The following LINS1 variants were observed in gnomAD, a reference collection of about 807,000 sequenced individuals.
LINS1 encodes the protein protein Lines homolog 1.
Under a neutral mutation model 41.6 loss-of-function variants are expected in LINS1, and 27 were observed. The ratio of observed to expected loss-of-function variants is 0.65; its 90% CI spans 0.48 to 0.89. LINS1 has a LOEUF of 0.89. Among genes scored for constraint, LINS1 ranks in the 40% least tolerant of loss-of-function variants. The pLI, the probability that LINS1 is intolerant of heterozygous loss-of-function variation, is 0.00. For synonymous variants in LINS1, 336 were observed against 312.9 expected (o/e 1.07, Z -0.78); for missense variants, 955 against 884.1 (o/e 1.08, Z -1.02).
chr15:100,573,768 G>A lies in LINS1; in HGVS notation c.1105C>T (p.Pro369Ser). 2 of 1,613,696 alleles carry A rather than the reference G, an allele frequency of 1.2e-6. No homozygotes were observed. Among genetic ancestry groups the A allele is most frequent in the Non-Finnish European group, 1.7e-6 (2 of 1,179,604 alleles). The change falls in exon 5 of 7, where the codon CCT (proline) becomes TCT (serine). Residue 369 changes from proline (P) to serine (S), a missense_variant. Pro to Ser is a moderately conservative substitution (Grantham distance 74). Transcript: ENST00000314742. ...GGACTAGTGATAAGTTCACATTCAG[G>A]TTGAACTTCATCACCTCCAAAAAAG... ...HSFFGGDEVQ[P>S]ECELITSPDH...
chr15:100,587,592 T>C (rs942346979), intron 1 of LINS1, among the ~76,000 whole-genome samples: 1 of 152,184 alleles, frequency 6.6e-6, no homozygotes, highest in African/African-American at 2.4e-5. Flanking sequence ...ACCATGATTT[T>C]TTTAAGTTCC....
Position 100,568,543 on chromosome 15 carries a change from C to G in LINS1, c.*695G>C, listed in dbSNP as rs1489556197. On this transcript the variant is annotated 3_prime_UTR_variant, in exon 7 of 7. Coordinates refer to ENST00000314742, the MANE Select transcript of LINS1 (RefSeq NM_001040616.3). ...GCTGCCACCAGAAGCCAGAAAGGGG[C>G]AGGGTGGGATTCTTCTCCAGACCCT... 1 of 152,342 alleles carries G rather than the reference C, an allele frequency of 6.6e-6. No homozygotes were observed. The highest frequency in any genetic ancestry group is 2.4e-5 in the African/African-American group (1 of 41,456). 9.4% of individuals were successfully genotyped at this position (152,342 alleles called of 1,614,324 possible).
At chr15:100,591,426 C>G (rs2039032247) in intron 1 of LINS1, among the ~76,000 whole-genome samples, 1 of 152,106 alleles carries the variant, frequency 6.6e-6, no homozygotes, top group African/African-American at 2.4e-5. Context: ...GTCACACTCT[C>G]ACCTAAGTGA....
In LINS1 at chr15:100,570,151, T is replaced by C. The variant is rs2411838; in HGVS notation, c.1395-34A>G. 0.43 allele frequency: 652,542 copies of C among 1,512,654 alleles called. 146,430 individuals carry two copies. The highest frequency in any genetic ancestry group is 0.47 in the Non-Finnish European group (521,018 of 1,115,636). 93.7% of individuals were successfully genotyped at this position (1,512,654 alleles called of 1,614,324 possible). A position where few individuals can be genotyped will look rare whatever the true frequency, so the allele number is the denominator to read the frequency against. ...GAAGATAATGGAGAATGCAGATTAA[T>C]GACCTTACAAAAATAAACAGTTTTA... On this transcript the variant is annotated intron_variant, in intron 6 of 6. Coordinates refer to ENST00000314742, the MANE Select transcript of LINS1 (RefSeq NM_001040616.3).
rs1361546913 is a variant in LINS1, at chr15:100,573,789, A to C, written c.1084T>G (p.Phe362Val). Reference sequence around the variant, plus strand: ...TCAGGTTGAACTTCATCACCTCCAAAAAAGGAATGTTTTTCATAAACAGAC... The same window carrying C: ...TCAGGTTGAACTTCATCACCTCCAACAAAGGAATGTTTTTCATAAACAGAC... The part of the protein sequence containing the change: ...TLSVYEKHSF[F>V]GGDEVQPECE... Residue 362 changes from phenylalanine to valine, a missense_variant, in exon 5 of 7, where the codon TTT becomes GTT. Coordinates refer to ENST00000314742, the MANE Select transcript of LINS1 (RefSeq NM_001040616.3). 1 of 1,614,196 alleles carries C rather than the reference A, an allele frequency of 6.2e-7. No individual in the cohort carries two copies. The highest frequency in any genetic ancestry group is 1.1e-5 in the South Asian group (1 of 91,082).
rs543635864 is a variant in LINS1, at chr15:100,576,094, C to T, written c.490-966G>A. Among the ~76,000 whole-genome samples the T allele has an allele frequency of 2.0e-3, 310 of 152,160 alleles. 1 individual carries two copies. Among genetic ancestry groups the T allele is most frequent in the African/African-American group, 7.0e-3 (292 of 41,524 alleles). On this transcript the variant is annotated intron_variant, in intron 3 of 6. Transcript: ENST00000314742. ...GCAGGAAAGATCTAAAATTGACACCCTAACATCACAATTAAAAGAACTAGA... is the reference window on the plus strand; with the variant it reads ...GCAGGAAAGATCTAAAATTGACACCTTAACATCACAATTAAAAGAACTAGA...
intron 1 of LINS1, among the ~76,000 whole-genome samples, chr15:100,585,346 A>G (rs1389315105): frequency 6.6e-6 from 1 of 152,124 alleles, no homozygotes; most frequent in Non-Finnish European, 1.5e-5. Flanking sequence ...TTTGGCCCCA[A>G]TATTGTTTGG....
rs150280970 is a variant in LINS1, at chr15:100,580,576, C to T, written c.267G>A (p.Met89Ile). 3.1e-4 allele frequency: 508 copies of T among 1,613,988 alleles called. 1 individual carries two copies. Among genetic ancestry groups the T allele is most frequent in the Middle Eastern group, 2.1e-3 (13 of 6,058 alleles). The change falls in exon 2 of 7, where the codon ATG (methionine) becomes ATA (isoleucine). Residue 89 changes from methionine to isoleucine, a missense_variant. Met to Ile is a conservative substitution (Grantham distance 10, BLOSUM62 1). Transcript: ENST00000314742. ...CTTTGATCACTGTTAACTGAAGGAG[C>T]ATTACTTCTCTGGAACCGCTCATCT... ...NSQMSGSREV[M>I]LLQLTVIKVM...
chr15:100,583,937 A>AT (rs2038684047), intron 1 of LINS1, among the ~76,000 whole-genome samples: 1 of 151,698 alleles, frequency 6.6e-6, no homozygotes, highest in Non-Finnish European at 1.5e-5. Flanking sequence ...AAGACAGAAT[A>AT]TTTTGTTTTA....
chr15:100,599,782 G>T (rs1391270704), intron 1 of LINS1, among the ~76,000 whole-genome samples: 2 of 152,080 alleles, frequency 1.3e-5, no homozygotes. Context: ...AGCAAAATTT[G>T]AGGCTGGGTG....
At chr15:100,596,206 TC>T (rs1200517917) in intron 1 of LINS1, among the ~76,000 whole-genome samples, 1 of 152,136 alleles carries the variant, frequency 6.6e-6, no homozygotes, top group Admixed American at 6.5e-5. Context: ...ACACCATCCT[TC>T]CTTTTCCTCA....
In LINS1 at chr15:100,569,973, CAA is replaced by C; in HGVS notation, c.1537_1538del (p.Leu513AspfsTer9). The stretch of plus-strand genomic sequence containing the variant: ...CAAGAAAACAGGTTTCTGATGAAAT[CAA>C]AAAGTCAAGAAGAACTGTGGAATCA... ...GFDSTVLLDF[L>X]ISSETCFLEY... On this transcript the variant is annotated frameshift_variant, in exon 7 of 7. Coordinates refer to ENST00000314742, the MANE Select transcript of LINS1 (RefSeq NM_001040616.3). LOFTEE classifies it low-confidence loss of function (END_TRUNC). 1 of 1,571,956 alleles carries C rather than the reference CAA, an allele frequency of 6.4e-7. No individual in the cohort carries two copies. Among genetic ancestry groups the C allele is most frequent in the African/African-American group, 1.4e-5 (1 of 73,174 alleles).
In LINS1 at chr15:100,591,451, A is replaced by G. The variant is rs1056360554; in HGVS notation, c.-103-10506T>C. On this transcript the variant is annotated intron_variant, in intron 1 of 6. Coordinates refer to ENST00000314742, the MANE Select transcript of LINS1 (RefSeq NM_001040616.3). ...CACCTAAGTGAGAACGTGACCAAAAAGGGAGAATTTTTTAAAATAAAATTA... is the reference window on the plus strand; with the variant it reads ...CACCTAAGTGAGAACGTGACCAAAAGGGGAGAATTTTTTAAAATAAAATTA... Among the ~76,000 whole-genome samples the G allele has an allele frequency of 2.6e-5, 4 of 152,360 alleles. No homozygotes were observed. In the South Asian group the frequency reaches 8.3e-4, roughly 32 times the overall value.
chr15:100,576,174 C>T (rs1357253579), intron 3 of LINS1, among the ~76,000 whole-genome samples: 1 of 152,088 alleles, frequency 6.6e-6, no homozygotes, highest in African/African-American at 2.4e-5. Context: ...TAACTAAGAT[C>T]AGAGCAGAAC....
At chr15:100,571,782 G>C in intron 6 of LINS1, 112 bp downstream of exon 6, 1 of 1,253,908 alleles carries the variant, frequency 8.0e-7, no homozygotes, top group Non-Finnish European at 1.1e-6. Flanking sequence ...ACTGCAACAG[G>C]ATGTTTTCCC....
rs543706034 is a variant in LINS1, at chr15:100,600,478, T to C, written c.-104+1643A>G. Among the ~76,000 whole-genome samples the C allele has an allele frequency of 1.1e-3, 161 of 146,910 alleles. 3 individuals carry two copies. Among genetic ancestry groups the C allele is most frequent in the South Asian group, 9.4e-3 (44 of 4,666 alleles). On this transcript the variant is annotated intron_variant, in intron 1 of 6. Transcript: ENST00000314742. ...TTTAATCTAAAACAATGGCTTCCTATACATTTCATTTAACAATACTAATAA... is the reference window on the plus strand; with the variant it reads ...TTTAATCTAAAACAATGGCTTCCTACACATTTCATTTAACAATACTAATAA...
intron 1 of LINS1, among the ~76,000 whole-genome samples, chr15:100,592,554 T>A (rs2039083957): frequency 6.6e-6 from 1 of 150,972 alleles, no homozygotes; most frequent in Non-Finnish European, 1.5e-5. Flanking sequence ...ATCACCTCAT[T>A]AACATAACCT....
chr15:100,581,831 T>C (rs958763317), intron 1 of LINS1, among the ~76,000 whole-genome samples: 8 of 152,238 alleles, frequency 5.3e-5, no homozygotes, highest in African/African-American at 1.9e-4. Flanking sequence ...TGCTTCCACC[T>C]GTAAACTCAT....
At chr15:100,584,214 C>G (rs2038695807) in intron 1 of LINS1, among the ~76,000 whole-genome samples, 1 of 152,206 alleles carries the variant, frequency 6.6e-6, no homozygotes, top group South Asian at 2.1e-4. Context: ...ACATGCTCAA[C>G]TCTTTTAGTA....
Sources: gnomAD v4.1 joint callset for allele counts (sites outside exome capture counted in the v4.1 genomes callset) on GRCh38, gnomAD v4.1.1 for gene constraint, MANE v1.5 for transcripts, NCBI Gene and HGNC (gene_info 2026-07-23, HGNC 2026-07-21) for gene names.